The following EFCAB5 variants were observed in gnomAD, a reference collection of about 807,000 sequenced individuals.
EFCAB5 encodes the protein EF-hand calcium binding domain 5.
Under a neutral mutation model 167.9 loss-of-function variants are expected in EFCAB5, and 131 were observed. The observed-to-expected ratio is 0.78, with a 90% CI of 0.68 to 0.90. EFCAB5 has a LOEUF of 0.90. Among genes scored for constraint, EFCAB5 ranks in the 40% least tolerant of loss-of-function variants. The probability of loss-of-function intolerance (pLI) is 0.00; values close to 1 mark genes in which losing one functional copy is unlikely to be tolerated. For missense variants in EFCAB5, 1,663 were observed against 1,745.2 expected, an observed-to-expected ratio of 0.95 and a Z score of 0.84; for synonymous variants, 574 against 602.8, an observed-to-expected ratio of 0.95 and a Z score of 0.70.
intron 7 of EFCAB5, among the ~76,000 whole-genome samples, chr17:30,000,458 G>C (rs1267282516): frequency 6.6e-6 from 1 of 152,130 alleles, no homozygotes; most frequent in Non-Finnish European, 1.5e-5. Context: ...TGGTTTCAAA[G>C]TCTACATAAT....
At chr17:30,059,800 C>T in intron 14 of EFCAB5, 99 bp downstream of exon 14, 1 of 909,314 alleles carries the variant, frequency 1.1e-6, no homozygotes, top group East Asian at 2.9e-5. Flanking sequence ...ATGCTAAAAC[C>T]ACTAGATAAC....
At chr17:29,996,903 T>G (rs2068555492) in intron 6 of EFCAB5, among the ~76,000 whole-genome samples, 1 of 152,170 alleles carries the variant, frequency 6.6e-6, no homozygotes, top group Non-Finnish European at 1.5e-5. Flanking sequence ...TTACATAAAT[T>G]TCCCTGGATA....
At chr17:29,979,001 T>C (rs569204966) in intron 4 of EFCAB5, among the ~76,000 whole-genome samples, 3 of 152,304 alleles carry the variant, frequency 2.0e-5, no homozygotes, top group South Asian at 4.1e-4. Flanking sequence ...GCCTCTGCCC[T>C]GCTCTTGCTT....
intron 7 of EFCAB5, among the ~76,000 whole-genome samples, chr17:30,020,878 A>G (rs1225098138): frequency 3.9e-5 from 6 of 152,194 alleles, no homozygotes; most frequent in Admixed American, 3.9e-4. Flanking sequence ...TTTAATGTGT[A>G]TGCCAGCTGT....
chr17:30,023,399 A>G (rs1597685316), intron 7 of EFCAB5, among the ~76,000 whole-genome samples: 1 of 152,160 alleles, frequency 6.6e-6, no homozygotes, highest in Non-Finnish European at 1.5e-5. Context: ...AATACTACAA[A>G]CACCTCTACT....
intron 3 of EFCAB5, among the ~76,000 whole-genome samples, chr17:29,944,622 G>GTTTTTTTTTTTTTTTTTTTTTTTTT (rs1442294530): frequency 7.5e-6 from 1 of 134,144 alleles, no homozygotes. Context: ...TTTCTGTTTT[G>GTTTTTTTTTTTTTTTTTTTTTTTTT]TTTTGTTTTT....
chr17:30,011,974 A>G (rs1346769486), intron 7 of EFCAB5, among the ~76,000 whole-genome samples: 1 of 152,210 alleles, frequency 6.6e-6, no homozygotes, highest in African/African-American at 2.4e-5. Flanking sequence ...TCCTCGCTCT[A>G]TAATCATAAC....
At chr17:30,072,916 A>G (rs1181474073) in intron 14 of EFCAB5, among the ~76,000 whole-genome samples, 2 of 151,906 alleles carry the variant, frequency 1.3e-5, no homozygotes, top group Non-Finnish European at 2.9e-5. Flanking sequence ...GTATGTATTC[A>G]TGGTTTCCTT....
At chr17:29,977,890 A>C (rs1481361491) in intron 4 of EFCAB5, among the ~76,000 whole-genome samples, 2 of 152,178 alleles carry the variant, frequency 1.3e-5, no homozygotes, top group Admixed American at 1.3e-4. Context: ...TATGTAAACT[A>C]TGTGACAAAA....
chr17:30,029,414 ATAT>A (rs2069418198), intron 7 of EFCAB5, among the ~76,000 whole-genome samples: 1 of 152,202 alleles, frequency 6.6e-6, no homozygotes, highest in Non-Finnish European at 1.5e-5. Flanking sequence ...AATTTATTAA[ATAT>A]TATACTGAAA....
chr17:30,040,480 C>T (rs1264333627), intron 8 of EFCAB5, among the ~76,000 whole-genome samples: 2 of 152,176 alleles, frequency 1.3e-5, no homozygotes, highest in African/African-American at 4.8e-5. Context: ...GTTCAGATGG[C>T]TACCCTTTTT....
In EFCAB5 at chr17:29,983,820, G is replaced by A. The variant is rs1388362600; in HGVS notation, c.768-9345G>A. On this transcript the variant is annotated intron_variant, in intron 4 of 22. Coordinates refer to ENST00000394835, the MANE Select transcript of EFCAB5 (RefSeq NM_198529.4). ...TGTACAGTGGCCCAGAAGCACAAAA[G>A]TAGATTTTGTTTCTAGATATGGACA... Among the ~76,000 whole-genome samples, 67 of 152,118 alleles carry A rather than the reference G, an allele frequency of 4.4e-4. 2 individuals are homozygous for A. The highest frequency in any genetic ancestry group is 4.4e-3 in the Admixed American group (67 of 15,266).
chr17:29,944,602 T>G (rs2151519333), intron 3 of EFCAB5, among the ~76,000 whole-genome samples: 1 of 151,756 alleles, frequency 6.6e-6, no homozygotes, highest in Non-Finnish European at 1.5e-5. Flanking sequence ...TGTTGTTGTT[T>G]TTTTGTTGTT....
intron 3 of EFCAB5, among the ~76,000 whole-genome samples, chr17:29,962,632 CTTTTTTT>C (rs796553756): frequency 1.5e-4 from 17 of 110,422 alleles, no homozygotes; most frequent in Non-Finnish European, 2.0e-4. Context: ...CCATGCCTGG[CTTTTTTT>C]TTTTTTTTTT....
chr17:30,022,719 T>C (rs1277987590), intron 7 of EFCAB5, among the ~76,000 whole-genome samples: 1 of 152,178 alleles, frequency 6.6e-6, no homozygotes, highest in African/African-American at 2.4e-5. Context: ...GTTTATTTTG[T>C]TTTGTTTTAT....
intron 17 of EFCAB5, among the ~76,000 whole-genome samples, chr17:30,082,326 C>G (rs1041121554): frequency 1.3e-5 from 2 of 151,436 alleles, no homozygotes; most frequent in African/African-American, 2.4e-5. Context: ...TAGCACATAC[C>G]ACAAATTTCA....
intron 8 of EFCAB5, among the ~76,000 whole-genome samples, chr17:30,050,830 A>C (rs986220548): frequency 1.3e-5 from 2 of 152,262 alleles, no homozygotes. Flanking sequence ...CAGGTAAGAT[A>C]AGTACTGAAC....
chr17:30,093,917 G>T (rs1322187432), intron 22 of EFCAB5, among the ~76,000 whole-genome samples: 1 of 152,128 alleles, frequency 6.6e-6, no homozygotes, highest in East Asian at 1.9e-4. Context: ...GAATTCTTCG[G>T]GGTGCCTTTC....
chr17:30,027,293 CTTTTT>C (rs906468665), intron 7 of EFCAB5, among the ~76,000 whole-genome samples: 1 of 67,366 alleles, frequency 1.5e-5, no homozygotes, highest in Non-Finnish European at 3.0e-5. Context: ...CCACACCAGT[CTTTTT>C]TTTTTTTTTT....
Sources: gnomAD v4.1 joint callset for allele counts (sites outside exome capture counted in the v4.1 genomes callset) on GRCh38, gnomAD v4.1.1 for gene constraint, MANE v1.5 for transcripts, NCBI Gene and HGNC (gene_info 2026-07-23, HGNC 2026-07-21) for gene names.